Variants in FNBP1 observed in about 807,000 individuals in gnomAD.
FNBP1 encodes formin-binding protein 1.
Under a neutral mutation model 90.6 loss-of-function variants are expected in FNBP1, and 26 were observed. The ratio of observed to expected loss-of-function variants is 0.29; its 90% CI spans 0.21 to 0.40. The LOEUF is 0.40. Among genes scored for constraint, FNBP1 ranks in the 10% least tolerant of loss-of-function variants. FNBP1 has a pLI of 1.00. For synonymous variants in FNBP1, 260 were observed against 265.2 expected (o/e 0.98, Z 0.19); for missense variants, 635 against 768.0 (o/e 0.83, Z 2.05).
At chr9:129,899,528 TAGTG>T (rs1390395315) in intron 15 of FNBP1, among the ~76,000 whole-genome samples, 1 of 151,996 alleles carries the variant, frequency 6.6e-6, no homozygotes. Flanking sequence ...CTGGGCAACA[TAGTG>T]AGACCCTGTC....
rs576789391 is a variant in FNBP1, at chr9:130,014,400, C to T, written c.25-19442G>A. 9.2e-5 allele frequency among the ~76,000 whole-genome samples: 14 copies of T among 151,952 alleles called. No homozygotes were observed. In the South Asian group the frequency reaches 1.9e-3, roughly 20 times the overall value. On this transcript the variant is annotated intron_variant, in intron 1 of 16. Transcript: ENST00000446176. Reference sequence around the variant, plus strand: ...CCAAGTAGCTGGGAATACAGGTGCACGCCACCACGCCTGGCTAATTTTTGT... The same window carrying T: ...CCAAGTAGCTGGGAATACAGGTGCATGCCACCACGCCTGGCTAATTTTTGT...
chr9:129,915,840 A>G, intron 11 of FNBP1, 126 bp downstream of exon 11: 1 of 666,634 alleles, frequency 1.5e-6, no homozygotes, highest in Non-Finnish European at 2.6e-6. Context: ...CACCAACAAA[A>G]GCACACGTAA....
intron 2 of FNBP1, among the ~76,000 whole-genome samples, chr9:129,992,050 C>T (rs1287208935): frequency 6.6e-6 from 1 of 152,108 alleles, no homozygotes; most frequent in East Asian, 1.9e-4. Context: ...ATCTGTGAGT[C>T]ATTGCCATAT....
chr9:129,929,646 G>A lies in FNBP1; in HGVS notation c.563C>T (p.Ala188Val), dbSNP rs2132037332. 6.2e-7 allele frequency: 1 copy of A among 1,613,832 alleles called. No homozygotes were observed. Among genetic ancestry groups the A allele is most frequent in the Non-Finnish European group, 8.5e-7 (1 of 1,179,770 alleles). ...TTTCTGGAGAATGGATGAGTAATCT[G>A]CTTTGCTGTCCTCTGCCATTTGGTG... ...IRHQMAEDSK[A>V]DYSSILQKFN... Residue 188 changes from alanine to valine, a missense_variant, in exon 7 of 17, where the codon GCA becomes GTA. Ala to Val is a moderately conservative substitution (Grantham distance 64). Transcript: ENST00000446176.
intron 1 of FNBP1, among the ~76,000 whole-genome samples, chr9:130,008,326 G>A (rs1251244480): frequency 6.6e-6 from 1 of 151,976 alleles, no homozygotes; most frequent in East Asian, 1.9e-4. Context: ...TCCAGCCTGG[G>A]CAACAGAGTG....
chr9:130,043,619 C>A (rs1315489582), upstream of FNBP1, among the ~76,000 whole-genome samples: 4 of 152,204 alleles, frequency 2.6e-5, no homozygotes, highest in African/African-American at 7.2e-5. Flanking sequence ...CTTTTCCCAC[C>A]GCCCGAGGGA....
intron 2 of FNBP1, among the ~76,000 whole-genome samples, chr9:129,982,067 T>G (rs943368601): frequency 6.6e-6 from 1 of 152,182 alleles, no homozygotes; most frequent in Non-Finnish European, 1.5e-5. Flanking sequence ...GAATGTCCCT[T>G]GTAGAAAAAA....
chr9:129,940,484 T>C (rs950616304), intron 6 of FNBP1, among the ~76,000 whole-genome samples: 1 of 151,730 alleles, frequency 6.6e-6, no homozygotes, highest in Admixed American at 6.6e-5. Flanking sequence ...GGAAATGAAA[T>C]CTATGAAAAA....
rs1360140178 is a variant in FNBP1 at position 130,042,180 on chromosome 9, AG to A, written c.24+771del. Among the ~76,000 whole-genome samples, 1 of 151,998 alleles carries A rather than the reference AG, an allele frequency of 6.6e-6. No homozygotes were observed. Among genetic ancestry groups the A allele is most frequent in the African/African-American group, 2.4e-5 (1 of 41,380 alleles). On this transcript the variant is annotated intron_variant, in intron 1 of 16. Coordinates refer to ENST00000446176, the MANE Select transcript of FNBP1 (RefSeq NM_015033.3). This position sits in a 1 kb window ranked among gnomAD's most constrained non-coding sequence, Gnocchi z 5.5. ...CATCCCCCGGCCAAGCATCCCCGCAAGGCGCCCCTCACCGCCAACTTTCCCC... is the reference window on the plus strand; with the variant it reads ...CATCCCCCGGCCAAGCATCCCCGCAAGCGCCCCTCACCGCCAACTTTCCCC...
In FNBP1 at chr9:129,888,104, A is replaced by T. The variant is rs749876615; in HGVS notation, c.*2435T>A. 6.0e-5 allele frequency: 14 copies of T among 232,728 alleles called. No individual in the cohort carries two copies. Among genetic ancestry groups the T allele is most frequent in the Non-Finnish European group, 1.1e-4 (13 of 117,798 alleles). 14.4% of individuals were successfully genotyped at this position (232,728 alleles called of 1,614,324 possible). A position where few individuals can be genotyped will look rare whatever the true frequency, so the allele number is the denominator to read the frequency against. ...TTGGACGCAGGTGGTGGAAAAGTTT[A>T]AAAAACAGGCGGAGGAGTGACGGGG... On this transcript the variant is annotated 3_prime_UTR_variant, in exon 17 of 17. Transcript: ENST00000446176.
At chr9:129,973,678 T>G (rs1263336884) in intron 4 of FNBP1, among the ~76,000 whole-genome samples, 1 of 151,352 alleles carries the variant, frequency 6.6e-6, no homozygotes, top group Non-Finnish European at 1.5e-5. Flanking sequence ...TTTTTTTTTT[T>G]TTTTTTTAGT....
At chr9:130,039,714 G>A (rs926585455) in intron 1 of FNBP1, among the ~76,000 whole-genome samples, 1 of 151,686 alleles carries the variant, frequency 6.6e-6, no homozygotes, top group Admixed American at 6.6e-5. Context: ...TTCTATGGAG[G>A]GGTTAAAGAA....
At position 130,014,773 on chromosome 9, in the gene FNBP1, CATTT is replaced by C. The variant is rs2131758089; in HGVS notation, c.25-19819_25-19816del. Among the ~76,000 whole-genome samples the C allele has an allele frequency of 2.0e-5, 3 of 151,848 alleles. No homozygotes were observed. In the South Asian group the frequency reaches 6.2e-4, roughly 31 times the overall value. ...TTAGAGATCAAAAATGAAGGTAAAA[CATTT>C]ATGAAGGAAAAACTTAAGTGAATAG... is the stretch of plus-strand genomic sequence containing the variant. On this transcript the variant is annotated intron_variant, in intron 1 of 16. Transcript: ENST00000446176.
intron 10 of FNBP1, among the ~76,000 whole-genome samples, chr9:129,920,502 A>G (rs1429435854): frequency 1.3e-5 from 2 of 152,068 alleles, no homozygotes; most frequent in African/African-American, 4.8e-5. Context: ...GGGTTTCACC[A>G]TGTTGGTCAG....
intron 10 of FNBP1, chr9:129,919,315 A>T: frequency 1.5e-6 from 1 of 680,042 alleles, no homozygotes. Context: ...ATGACAAACA[A>T]CTGGTAAGGA....
intron 6 of FNBP1, among the ~76,000 whole-genome samples, chr9:129,943,077 G>C (rs1045360809): frequency 6.6e-6 from 1 of 152,172 alleles, no homozygotes; most frequent in Non-Finnish European, 1.5e-5. Flanking sequence ...CTGGCAGGCA[G>C]GTCAACGTCG....
intron 12 of FNBP1, among the ~76,000 whole-genome samples, chr9:129,907,789 C>T (rs938864031): frequency 8.6e-5 from 13 of 152,036 alleles, no homozygotes; most frequent in South Asian, 4.2e-4. Flanking sequence ...AGTGCAGTGG[C>T]GCAATCTCGG....
intron 12 of FNBP1, among the ~76,000 whole-genome samples, chr9:129,904,854 C>G (rs867192139): frequency 3.3e-5 from 5 of 152,072 alleles, no homozygotes; most frequent in Middle Eastern, 3.4e-3. Context: ...TTGATGGATC[C>G]CAAGTGTCGA....
At chr9:129,895,345 G>C in intron 16 of FNBP1, 1 of 1,066,766 alleles carries the variant, frequency 9.4e-7, no homozygotes, top group East Asian at 5.0e-5. Flanking sequence ...CCAAGTGAAT[G>C]AGTATACAAT....
Sources: gnomAD v4.1 joint callset for allele counts (sites outside exome capture counted in the v4.1 genomes callset) on GRCh38, gnomAD v4.1.1 for gene constraint, Gnocchi (gnomAD v3.1) non-coding constraint, MANE v1.5 for transcripts, NCBI Gene and HGNC (gene_info 2026-07-23, HGNC 2026-07-21) for gene names.